PCDHB5: variants seen among roughly 807,000 people sequenced by gnomAD.
PCDHB5 encodes the protein protocadherin beta 5.
For synonymous variants in PCDHB5, 569 were observed against 462.2 expected (o/e 1.23, Z -2.96); for missense variants, 1,125 against 1,029.4 (o/e 1.09, Z -1.27).
In PCDHB5 at chr5:141,137,710, G is replaced by A; in HGVS notation, c.2276G>A (p.Gly759Glu). 6.2e-7 allele frequency: 1 copy of A among 1,614,260 alleles called. No individual in the cohort carries two copies. The highest frequency in any genetic ancestry group is 8.5e-7 in the Non-Finnish European group (1 of 1,180,054). ...HYEVCLTGDSGAGEFKFLKPI... is the reference protein window; with the variant it reads ...HYEVCLTGDSEAGEFKFLKPI... ...GAGGTGTGTTTGACCGGAGACTCAG[G>A]GGCCGGCGAGTTCAAGTTCCTGAAG... The change falls in exon 1 of 1, where the codon GGG becomes GAG. Residue 759 changes from glycine to glutamate, a missense_variant. Coordinates refer to ENST00000231134, the MANE Select transcript of PCDHB5 (RefSeq NM_015669.5).
rs1752646320 is a variant in PCDHB5 at position 141,138,523 on chromosome 5, C to T, written c.*701C>T. ...AATTACTCCTTACAATCACTACTACCCCAAGTATAGCAAATATGCTGACTT... is the reference window on the plus strand; with the variant it reads ...AATTACTCCTTACAATCACTACTACTCCAAGTATAGCAAATATGCTGACTT... On this transcript the variant is annotated 3_prime_UTR_variant, in exon 1 of 1. Coordinates refer to ENST00000231134, the MANE Select transcript of PCDHB5 (RefSeq NM_015669.5). 6.6e-6 allele frequency: 1 copy of T among 152,178 alleles called. No homozygotes were observed. Among genetic ancestry groups the T allele is most frequent in the African/African-American group, 2.4e-5 (1 of 41,426 alleles). 9.4% of individuals were successfully genotyped at this position (152,178 alleles called of 1,614,324 possible). A position where few individuals can be genotyped will look rare whatever the true frequency, so the allele number is the denominator to read the frequency against.
Position 141,135,871 on chromosome 5 carries a change from C to T in PCDHB5, c.437C>T (p.Thr146Ile), listed in dbSNP as rs781816480. The T allele has an allele frequency of 6.2e-7, 1 of 1,614,116 alleles. No individual in the cohort carries two copies. The highest frequency in any genetic ancestry group is 8.5e-7 in the Non-Finnish European group (1 of 1,179,966). Residue 146 changes from threonine (T) to isoleucine (I), a missense_variant, in exon 1 of 1, where the codon ACC (threonine) becomes ATC (isoleucine). Transcript: ENST00000231134. ...KEMLLKIPES[T>I]QPGTVFPLKI... ...ATGCTCCTAAAAATCCCAGAGAGCA[C>T]CCAGCCAGGGACTGTGTTTCCCTTA... is the stretch of plus-strand genomic sequence containing the variant.
rs954817057 is a variant in PCDHB5 at position 141,137,839 on chromosome 5, C to T, written c.*17C>T. On this transcript the variant is annotated 3_prime_UTR_variant, in exon 1 of 1. Coordinates refer to ENST00000231134, the MANE Select transcript of PCDHB5 (RefSeq NM_015669.5). The stretch of plus-strand genomic sequence containing the variant: ...TTAAATTAGAGATCTCGTGATGACG[C>T]GTTGTTTTCTGCCATTTATCCCAAA... The T allele has an allele frequency of 6.5e-7, 1 of 1,548,232 alleles. No homozygotes were observed. Among genetic ancestry groups the T allele is most frequent in the African/African-American group, 1.4e-5 (1 of 72,692 alleles).
At position 141,136,258 on chromosome 5, in the gene PCDHB5, G is replaced by T; in HGVS notation, c.824G>T (p.Gly275Val). The T allele has an allele frequency of 6.2e-7, 1 of 1,613,928 alleles. No homozygotes were observed. Among genetic ancestry groups the T allele is most frequent in the Non-Finnish European group, 8.5e-7 (1 of 1,179,810 alleles). Residue 275 changes from glycine to valine, a missense_variant, in exon 1 of 1, where the codon GGG becomes GTG. Physicochemically the swap from Gly to Val is moderately radical, Grantham distance 109. Transcript: ENST00000231134. ...SARDLDAGAY[G>V]SVAYALFQGD... ...CGAGATTTAGATGCAGGAGCATATG[G>T]GAGTGTAGCCTATGCTCTATTCCAA...
In PCDHB5 at chr5:141,136,390, T is replaced by A. The variant is rs782244440; in HGVS notation, c.956T>A (p.Val319Glu). 6.2e-7 allele frequency: 1 copy of A among 1,614,162 alleles called. No individual in the cohort carries two copies. Among genetic ancestry groups the A allele is most frequent in the South Asian group, 1.1e-5 (1 of 91,068 alleles). Residue 319 changes from valine to glutamate, a missense_variant, in exon 1 of 1, where the codon GTA becomes GAA. By Grantham distance (121) the Val-to-Glu change is moderately radical. Coordinates refer to ENST00000231134, the MANE Select transcript of PCDHB5 (RefSeq NM_015669.5). ...EATPYYNVEI[V>E]ATDGGGLSGK... ...ACTCCATATTATAACGTGGAAATTG[T>A]AGCCACAGATGGTGGGGGCCTTTCA...
At position 141,137,402 on chromosome 5, in the gene PCDHB5, G is replaced by A. The variant is rs1554276190; in HGVS notation, c.1968G>A (p.Thr656=). 6 of 1,610,284 alleles carry A rather than the reference G, an allele frequency of 3.7e-6. No homozygotes were observed. Among genetic ancestry groups the A allele is most frequent in the Non-Finnish European group, 1.7e-6 (2 of 1,179,254 alleles). ...AGCCTCCGCGCTCGGCCACCGCCACGCTGCACGTGCTCCTGGTGGACGGCT... is the reference window on the plus strand; with the variant it reads ...AGCCTCCGCGCTCGGCCACCGCCACACTGCACGTGCTCCTGGTGGACGGCT... ...NGEPPRSATA[T]LHVLLVDGFS... is the part of the protein sequence containing the mutation. Residue 656 remains threonine (T), a synonymous_variant, in exon 1 of 1, where the codon ACG becomes ACA. Transcript: ENST00000231134.
In PCDHB5 at chr5:141,138,395, A is replaced by T. The variant is rs931886415; in HGVS notation, c.*573A>T. On this transcript the variant is annotated 3_prime_UTR_variant, in exon 1 of 1. Coordinates refer to ENST00000231134, the MANE Select transcript of PCDHB5 (RefSeq NM_015669.5). ...ATTACTTACATGAAGAAAAATGAAC[A>T]AATCCTTTATGTTCAACTCAATATA... The T allele has an allele frequency of 6.6e-6, 1 of 152,318 alleles. No individual in the cohort carries two copies. Among genetic ancestry groups the T allele is most frequent in the African/African-American group, 2.4e-5 (1 of 41,464 alleles). The allele number at this position is 152,318 out of a possible 1,614,324, so 9.4% of individuals were successfully genotyped here.
In PCDHB5 at chr5:141,137,587, C is replaced by A. The variant is rs1752625493; in HGVS notation, c.2153C>A (p.Ala718Glu). The change falls in exon 1 of 1, where the codon GCG becomes GAG. Residue 718 changes from alanine (A) to glutamate (E), a missense_variant. Ala to Glu is a moderately radical substitution (Grantham distance 107). Transcript: ENST00000231134. The part of the protein sequence containing the change: ...VAVRLCRRSR[A>E]APVGRCSVPE... ...GTGCGGCTGTGCAGGAGGAGCAGGGCGGCCCCGGTCGGTCGCTGCTCGGTG... is the reference window on the plus strand; with the variant it reads ...GTGCGGCTGTGCAGGAGGAGCAGGGAGGCCCCGGTCGGTCGCTGCTCGGTG... The A allele has an allele frequency of 6.2e-7, 1 of 1,612,940 alleles. No homozygotes were observed. The highest frequency in any genetic ancestry group is 2.2e-5 in the East Asian group (1 of 44,862).
rs1384727157 is a variant in PCDHB5, at chr5:141,137,875, T to A, written c.*53T>A. Reference sequence around the variant, plus strand: ...GCCATTTATCCCAAACTTTTTCAGATCTAGAATTCGAGAGTGTCATGGACA... The same window carrying A: ...GCCATTTATCCCAAACTTTTTCAGAACTAGAATTCGAGAGTGTCATGGACA... On this transcript the variant is annotated 3_prime_UTR_variant, in exon 1 of 1. Transcript: ENST00000231134. 6.7e-7 allele frequency: 1 copy of A among 1,492,342 alleles called. No individual in the cohort carries two copies. The highest frequency in any genetic ancestry group is 2.2e-5 in the Admixed American group (1 of 45,338). The allele number at this position is 1,492,342 out of a possible 1,614,324, so 92.4% of individuals were successfully genotyped here.
Position 141,137,325 on chromosome 5 carries a change from G to T in PCDHB5, c.1891G>T (p.Glu631Ter). ...GEVRTARLLS[E>*]RDAAKHRLVV... is the part of the protein sequence containing the mutation. The stretch of plus-strand genomic sequence containing the variant: ...GGTGCGCACCGCCAGGCTGCTGAGC[G>T]AGCGCGACGCGGCCAAGCACAGGCT... The change falls in exon 1 of 1, where the codon GAG (glutamate) becomes TAG (stop). Residue 631 changes from glutamate (E) to a stop codon, truncating the protein, a stop_gained. Coordinates refer to ENST00000231134, the MANE Select transcript of PCDHB5 (RefSeq NM_015669.5). LOFTEE classifies it low-confidence loss of function (END_TRUNC). The T allele has an allele frequency of 1.2e-6, 2 of 1,609,964 alleles. No individual in the cohort carries two copies. The highest frequency in any genetic ancestry group is 1.7e-6 in the Non-Finnish European group (2 of 1,179,564).
rs531662441 is a variant in PCDHB5 at position 141,135,251 on chromosome 5, GC to G, written c.-183del. The G allele has an allele frequency of 9.6e-4, 545 of 567,376 alleles. 2 individuals carry two copies. Among genetic ancestry groups the G allele is most frequent in the African/African-American group, 9.2e-3 (494 of 53,522 alleles). 35.1% of individuals were successfully genotyped at this position (567,376 alleles called of 1,614,324 possible). On this transcript the variant is annotated 5_prime_UTR_variant, in exon 1 of 1. Coordinates refer to ENST00000231134, the MANE Select transcript of PCDHB5 (RefSeq NM_015669.5). ...CTGCGGATAACTCAGACGCCATTAAGCTGGGGAATCCAAACTCTAAAAGAAG... is the reference window on the plus strand; with the variant it reads ...CTGCGGATAACTCAGACGCCATTAAGTGGGGAATCCAAACTCTAAAAGAAG...
In PCDHB5 at chr5:141,137,473, C is replaced by A; in HGVS notation, c.2039C>A (p.Ala680Asp). 6.2e-7 allele frequency: 1 copy of A among 1,612,684 alleles called. No individual in the cohort carries two copies. The highest frequency in any genetic ancestry group is 2.2e-5 in the East Asian group (1 of 44,842). ...CTGCCGGAGGCGGCCCCGGCCCAGG[C>A]CCAGGCCGACTCGCTCACTGTCTAC... The part of the protein sequence containing the change: ...LPLPEAAPAQ[A>D]QADSLTVYLV... Residue 680 changes from alanine to aspartate, a missense_variant, in exon 1 of 1, where the codon GCC (alanine) becomes GAC (aspartate). By Grantham distance (126) the Ala-to-Asp change is moderately radical. Transcript: ENST00000231134.
In PCDHB5 at chr5:141,135,280, C is replaced by T. The variant is rs1029353919; in HGVS notation, c.-155C>T. 9 of 586,232 alleles carry T rather than the reference C, an allele frequency of 1.5e-5. No homozygotes were observed. In the Admixed American group the frequency reaches 2.0e-4, roughly 13 times the overall value. The allele number at this position is 586,232 out of a possible 1,614,324, so 36.3% of individuals were successfully genotyped here. ...GGGAATCCAAACTCTAAAAGAAGGA[C>T]GCATTTTAGGTAAGATCTAGTGGCT... On this transcript the variant is annotated 5_prime_UTR_variant, in exon 1 of 1. In the 5' UTR this introduces an upstream ATG that the reference lacks. Coordinates refer to ENST00000231134, the MANE Select transcript of PCDHB5 (RefSeq NM_015669.5).
In PCDHB5 at chr5:141,136,716, C is replaced by A. The variant is rs1752586840; in HGVS notation, c.1282C>A (p.Pro428Thr). 8 of 1,614,158 alleles carry A rather than the reference C, an allele frequency of 5.0e-6. No individual in the cohort carries two copies. The highest frequency in any genetic ancestry group is 2.2e-5 in the South Asian group (2 of 91,074). Reference protein sequence around the residue: ...ITITVTDMGTPRLKTEHNITV... With the variant: ...ITITVTDMGTTRLKTEHNITV... ...CATCACTGTCACCGACATGGGGACA[C>A]CCAGGCTGAAAACCGAGCACAACAT... Residue 428 changes from proline (P) to threonine (T), a missense_variant, in exon 1 of 1, where the codon CCC (proline) becomes ACC (threonine). Transcript: ENST00000231134.
chr5:141,136,354 A>C lies in PCDHB5; in HGVS notation c.920A>C (p.Asp307Ala). The C allele has an allele frequency of 6.2e-7, 1 of 1,614,074 alleles. No homozygotes were observed. ...GAAATTCGCCTGAAAAGGGCATTGGATTTCGAGGCAACTCCATATTATAAC... is the reference window on the plus strand; with the variant it reads ...GAAATTCGCCTGAAAAGGGCATTGGCTTTCGAGGCAACTCCATATTATAAC... ...TAEIRLKRAL[D>A]FEATPYYNVE... The change falls in exon 1 of 1, where the codon GAT (aspartate) becomes GCT (alanine). Residue 307 changes from aspartate (D) to alanine (A), a missense_variant. Asp to Ala is a moderately radical substitution (Grantham distance 126, BLOSUM62 -2). Transcript: ENST00000231134.
chr5:141,136,916 C>A lies in PCDHB5; in HGVS notation c.1482C>A (p.Asn494Lys). 8 of 1,612,656 alleles carry A rather than the reference C, an allele frequency of 5.0e-6. No homozygotes were observed. Among genetic ancestry groups the A allele is most frequent in the Non-Finnish European group, 6.8e-6 (8 of 1,180,026 alleles). ...CCTACTCGCTGCTGCCGCCCCAGAA[C>A]CCACACCTGCGCCTCGCCTCCCTGG... is the stretch of plus-strand genomic sequence containing the variant. ...QVTYSLLPPQ[N>K]PHLRLASLVS... The change falls in exon 1 of 1, where the codon AAC (asparagine) becomes AAA (lysine). Residue 494 changes from asparagine (N) to lysine (K), a missense_variant. By Grantham distance (94) the Asn-to-Lys change is moderately conservative (BLOSUM62 0). Coordinates refer to ENST00000231134, the MANE Select transcript of PCDHB5 (RefSeq NM_015669.5).
In PCDHB5 at chr5:141,136,990, A is replaced by G; in HGVS notation, c.1556A>G (p.Asp519Gly). 6.2e-7 allele frequency: 1 copy of G among 1,612,374 alleles called. No individual in the cohort carries two copies. The highest frequency in any genetic ancestry group is 8.5e-7 in the Non-Finnish European group (1 of 1,179,900). Residue 519 changes from aspartate to glycine, a missense_variant, in exon 1 of 1, where the codon GAC becomes GGC. Physicochemically the swap from Asp to Gly is moderately conservative, Grantham distance 94. Coordinates refer to ENST00000231134, the MANE Select transcript of PCDHB5 (RefSeq NM_015669.5). ...NGHLFALRSL[D>G]YEALQAFEFR... is the part of the protein sequence containing the mutation. Reference sequence around the variant, plus strand: ...CACCTGTTTGCCCTCAGGTCGCTGGACTACGAGGCCCTGCAGGCGTTCGAG... The same window carrying G: ...CACCTGTTTGCCCTCAGGTCGCTGGGCTACGAGGCCCTGCAGGCGTTCGAG...
At position 141,137,466 on chromosome 5, in the gene PCDHB5, G is replaced by A; in HGVS notation, c.2032G>A (p.Ala678Thr). Residue 678 changes from alanine to threonine, a missense_variant, in exon 1 of 1, where the codon GCC becomes ACC. Transcript: ENST00000231134. Reference protein sequence around the residue: ...PYLPLPEAAPAQAQADSLTVY... With the variant: ...PYLPLPEAAPTQAQADSLTVY... ...CCTGCCGCTGCCGGAGGCGGCCCCG[G>A]CCCAGGCCCAGGCCGACTCGCTCAC... 3.1e-6 allele frequency: 5 copies of A among 1,612,510 alleles called. No individual in the cohort carries two copies. The highest frequency in any genetic ancestry group is 1.1e-5 in the South Asian group (1 of 91,004).
chr5:141,137,569 T>A lies in PCDHB5; in HGVS notation c.2135T>A (p.Leu712Gln). 6.2e-7 allele frequency: 1 copy of A among 1,612,634 alleles called. No homozygotes were observed. The highest frequency in any genetic ancestry group is 1.1e-5 in the South Asian group (1 of 91,022). The change falls in exon 1 of 1, where the codon CTG (leucine) becomes CAG (glutamine). Residue 712 changes from leucine to glutamine, a missense_variant. Coordinates refer to ENST00000231134, the MANE Select transcript of PCDHB5 (RefSeq NM_015669.5). ...FSVLLFVAVRLCRRSRAAPVG... is the reference protein window; with the variant it reads ...FSVLLFVAVRQCRRSRAAPVG... ...GTGCTCCTGTTCGTGGCAGTGCGGC[T>A]GTGCAGGAGGAGCAGGGCGGCCCCG...
Sources: gnomAD v4.1 joint callset for allele counts on GRCh38, gnomAD v4.1.1 for gene constraint, MANE v1.5 for transcripts, NCBI Gene and HGNC (gene_info 2026-07-23, HGNC 2026-07-21) for gene names.